The following ANXA3 variants were observed in gnomAD, a reference collection of about 807,000 sequenced individuals.
ANXA3 encodes the protein 35-alpha calcimedin.
Under a neutral mutation model 48.8 loss-of-function variants are expected in ANXA3, and 46 were observed. The observed-to-expected ratio is 0.94, with a 90% CI of 0.74 to 1.21. The LOEUF (loss-of-function observed/expected upper bound fraction) is 1.21, where lower values mean the gene tolerates loss of function less well. ANXA3 is among the 50% of genes most tolerant of loss of function. The probability of loss-of-function intolerance (pLI) is 0.00; values close to 1 mark genes in which losing one functional copy is unlikely to be tolerated. For synonymous variants in ANXA3, 128 were observed against 134.7 expected, an observed-to-expected ratio of 0.95 and a Z score of 0.35; for missense variants, 383 against 378.6, an observed-to-expected ratio of 1.01 and a Z score of -0.10.
chr4:78,582,333 A>G (rs1407506652), intron 5 of ANXA3, 43 bp downstream of exon 5: 2 of 1,388,562 alleles, frequency 1.4e-6, no homozygotes, highest in South Asian at 2.3e-5. Flanking sequence ...GGTTTGACCA[A>G]GTCATCAAAA....
At chr4:78,608,261 T>A (rs1228968356) in intron 12 of ANXA3, among the ~76,000 whole-genome samples, 1 of 152,046 alleles carries the variant, frequency 6.6e-6, no homozygotes, top group Non-Finnish European at 1.5e-5. Flanking sequence ...TATGAGAAAG[T>A]CATGATTCAG....
At chr4:78,598,553 T>C (rs983207078) in intron 10 of ANXA3, among the ~76,000 whole-genome samples, 2 of 150,668 alleles carry the variant, frequency 1.3e-5, no homozygotes, top group South Asian at 2.1e-4. Flanking sequence ...TCTTTTTTTT[T>C]CTTTGTGACG....
chr4:78,599,192 A>T (rs1723489389), intron 10 of ANXA3, among the ~76,000 whole-genome samples: 1 of 152,226 alleles, frequency 6.6e-6, no homozygotes, highest in Non-Finnish European at 1.5e-5. Context: ...TTTTTAATGT[A>T]GTCACAAGGT....
chr4:78,566,276 C>T (rs569190370), intron 2 of ANXA3, among the ~76,000 whole-genome samples: 1 of 152,156 alleles, frequency 6.6e-6, no homozygotes, highest in Admixed American at 6.5e-5. Context: ...TACTCCATCC[C>T]ACACCCTCCT....
At chr4:78,565,938 G>A (rs1722720635) in intron 2 of ANXA3, among the ~76,000 whole-genome samples, 1 of 152,204 alleles carries the variant, frequency 6.6e-6, no homozygotes, top group Non-Finnish European at 1.5e-5. Flanking sequence ...GTCTGGGCTA[G>A]AGCTATAATG....
At chr4:78,565,076 C>G (rs942842229) in intron 2 of ANXA3, among the ~76,000 whole-genome samples, 5 of 150,982 alleles carry the variant, frequency 3.3e-5, no homozygotes, top group African/African-American at 1.2e-4. Context: ...TCACTACAAC[C>G]TCTGCCTCCT....
chr4:78,607,013 A>G (rs528013177), intron 12 of ANXA3, among the ~76,000 whole-genome samples: 28 of 152,346 alleles, frequency 1.8e-4, no homozygotes, highest in Admixed American at 6.5e-4. Flanking sequence ...CACATTTTCT[A>G]AAGATTGTCA....
In ANXA3 at chr4:78,595,826, C is replaced by T; in HGVS notation, c.573C>T (p.Gly191=). 1 of 1,611,898 alleles carries T rather than the reference C, an allele frequency of 6.2e-7. No individual in the cohort carries two copies. Among genetic ancestry groups the T allele is most frequent in the Non-Finnish European group, 8.5e-7 (1 of 1,178,088 alleles). ...ILYKAGENRW[G]TDEDKFTEIL... Reference sequence around the variant, plus strand: ...ATAAAGCTGGTGAGAACAGATGGGGCACGGATGAAGACAAATTCACTGAGA... The same window carrying T: ...ATAAAGCTGGTGAGAACAGATGGGGTACGGATGAAGACAAATTCACTGAGA... The change falls in exon 9 of 13, where the codon GGC becomes GGT. Residue 191 remains glycine (G), a synonymous_variant. Coordinates refer to ENST00000264908, the MANE Select transcript of ANXA3 (RefSeq NM_005139.3).
intron 7 of ANXA3, among the ~76,000 whole-genome samples, chr4:78,594,551 T>G (rs1450277282): frequency 6.6e-6 from 1 of 152,222 alleles, no homozygotes; most frequent in African/African-American, 2.4e-5. Context: ...GTATTTGGTG[T>G]TGTCAGTGTT....
intron 5 of ANXA3, among the ~76,000 whole-genome samples, chr4:78,583,451 G>A (rs556619061): frequency 1.3e-5 from 2 of 151,472 alleles, no homozygotes; most frequent in South Asian, 2.1e-4. Flanking sequence ...GTGAGAACTT[G>A]TCTCTACAAA....
intron 9 of ANXA3, among the ~76,000 whole-genome samples, chr4:78,596,119 A>AGG (rs1421129133): frequency 6.6e-6 from 1 of 152,176 alleles, no homozygotes; most frequent in African/African-American, 2.4e-5. Flanking sequence ...ACCAGGTAAT[A>AGG]GATGGGGGAG....
intron 6 of ANXA3, among the ~76,000 whole-genome samples, chr4:78,587,425 A>C: frequency 6.6e-6 from 1 of 152,254 alleles, no homozygotes; most frequent in Non-Finnish European, 1.5e-5. Flanking sequence ...AATAACAAGG[A>C]CACACCTATG....
chr4:78,554,690 T>G (rs1048126913), intron 2 of ANXA3, among the ~76,000 whole-genome samples: 11 of 152,212 alleles, frequency 7.2e-5, no homozygotes, highest in Admixed American at 7.2e-4. Flanking sequence ...AAATAACTTA[T>G]GATGACACCA....
At chr4:78,601,723 TAC>T in intron 11 of ANXA3, 155 bp downstream of exon 11, 1 of 546,138 alleles carries the variant, frequency 1.8e-6, no homozygotes, top group East Asian at 3.0e-5. Context: ...TATGATACAA[TAC>T]ACTCTTTACA....
At chr4:78,567,449 G>T (rs1009165778) in intron 2 of ANXA3, among the ~76,000 whole-genome samples, 8 of 152,164 alleles carry the variant, frequency 5.3e-5, no homozygotes, top group Non-Finnish European at 8.8e-5. Flanking sequence ...TGTTACAAAA[G>T]ACAGATTGAC....
intron 4 of ANXA3, 66 bp from the exon 5 acceptor site, chr4:78,582,111 C>A: frequency 1.0e-6 from 1 of 987,836 alleles, no homozygotes; most frequent in Non-Finnish European, 1.6e-6. Flanking sequence ...TCATCTTTCA[C>A]TAGGTGACTT....
At chr4:78,555,673 T>C (rs1722496145) in intron 2 of ANXA3, among the ~76,000 whole-genome samples, 1 of 145,402 alleles carries the variant, frequency 6.9e-6, no homozygotes, top group South Asian at 2.1e-4. Context: ...ACCCAGTCTC[T>C]TAAAAAAAAA....
chr4:78,599,141 A>G (rs1041046410), intron 10 of ANXA3, among the ~76,000 whole-genome samples: 4 of 152,338 alleles, frequency 2.6e-5, no homozygotes, highest in African/African-American at 4.8e-5. Flanking sequence ...TATAACTTAC[A>G]TACCATAAAG....
intron 11 of ANXA3, 126 bp downstream of exon 11, chr4:78,601,694 A>G (rs1055981065): frequency 3.8e-6 from 3 of 782,442 alleles, no homozygotes; most frequent in African/African-American, 1.7e-5. Context: ...AAGATAAATT[A>G]TATTACAGCA....
Sources: allele counts gnomAD v4.1 joint callset (sites outside exome capture counted in the v4.1 genomes callset), GRCh38; gene constraint gnomAD v4.1.1; transcripts MANE v1.5; gene names NCBI Gene and HGNC (gene_info 2026-07-23, HGNC 2026-07-21).